The following LRP1B variants were observed in gnomAD, a reference collection of about 807,000 sequenced individuals.
LRP1B encodes low-density lipoprotein receptor-related protein 1B.
Under a neutral mutation model 556.6 loss-of-function variants are expected in LRP1B, and 217 were observed. The observed-to-expected ratio is 0.39, with a 90% CI of 0.35 to 0.44. The LOEUF (loss-of-function observed/expected upper bound fraction) is 0.44, where lower values mean the gene tolerates loss of function less well. Among genes scored for constraint, LRP1B ranks in the 20% least tolerant of loss-of-function variants. The pLI, the probability that LRP1B is intolerant of heterozygous loss-of-function variation, is 1.00. For synonymous variants in LRP1B, 2,047 were observed against 1,865.8 expected, an observed-to-expected ratio of 1.10 and a Z score of -2.50; for missense variants, 5,053 against 5,620.8, an observed-to-expected ratio of 0.90 and a Z score of 3.23.
intron 7 of LRP1B, among the ~76,000 whole-genome samples, chr2:141,133,104 C>T (rs1574108235): frequency 6.6e-6 from 1 of 151,938 alleles, no homozygotes; most frequent in Admixed American, 6.6e-5. Flanking sequence ...TTGAACCCGA[C>T]TGAGAATGTC....
intron 1 of LRP1B, among the ~76,000 whole-genome samples, chr2:142,126,736 C>G (rs539677284): frequency 1.3e-5 from 2 of 151,766 alleles, no homozygotes; most frequent in East Asian, 3.9e-4. Flanking sequence ...TTGCACATTT[C>G]ACATTAAGAT....
chr2:141,322,659 A>G (rs1473866590), intron 3 of LRP1B, among the ~76,000 whole-genome samples: 2 of 152,054 alleles, frequency 1.3e-5, no homozygotes, highest in South Asian at 2.1e-4. Context: ...TTAGGGATAC[A>G]TAGGAAAAAG....
intron 32 of LRP1B, among the ~76,000 whole-genome samples, chr2:140,797,476 A>G (rs1338434761): frequency 6.6e-6 from 1 of 152,096 alleles, no homozygotes; most frequent in Non-Finnish European, 1.5e-5. Context: ...AGCTTGAAAT[A>G]TTTACTAGAA....
At chr2:141,069,712 G>A (rs183700791) in intron 7 of LRP1B, among the ~76,000 whole-genome samples, 99 of 152,158 alleles carry the variant, frequency 6.5e-4, no homozygotes, top group Non-Finnish European at 6.0e-4. Context: ...TGACTGTGAG[G>A]CATCCCTCAT....
intron 32 of LRP1B, among the ~76,000 whole-genome samples, chr2:140,791,429 TA>T (rs1296756090): frequency 1.3e-5 from 2 of 151,836 alleles, no homozygotes; most frequent in African/African-American, 4.8e-5. Flanking sequence ...ACCCTGTCTC[TA>T]AAAAAATTAA....
Position 140,534,140 on chromosome 2 carries a change from T to C in LRP1B, c.7643A>G (p.Glu2548Gly). The change falls in exon 47 of 91, where the codon GAA becomes GGA. Residue 2548 changes from glutamate to glycine, a missense_variant and splice_region_variant. Coordinates refer to ENST00000389484, the MANE Select transcript of LRP1B (RefSeq NM_018557.3). Reference sequence around the variant, plus strand: ...GAAGCCTCTTCGACAGCTTCTGTTTTCTTATAAATAAAAGTAGAAACACAC... The same window carrying C: ...GAAGCCTCTTCGACAGCTTCTGTTTCCTTATAAATAAAAGTAGAAACACAC... The part of the protein sequence containing the change: ...DKSDEKLLYC[E>G]NRSCRRGFKP... 1.9e-6 allele frequency: 3 copies of C among 1,609,548 alleles called. No individual in the cohort carries two copies. The highest frequency in any genetic ancestry group is 2.5e-6 in the Non-Finnish European group (3 of 1,178,102).
chr2:141,835,162 G>C (rs1697235623), intron 1 of LRP1B, among the ~76,000 whole-genome samples: 1 of 151,966 alleles, frequency 6.6e-6, no homozygotes, highest in Non-Finnish European at 1.5e-5. Context: ...ATTAACTTTG[G>C]AATAACATTT....
intron 2 of LRP1B, among the ~76,000 whole-genome samples, chr2:141,804,010 T>C (rs1324188697): frequency 6.6e-6 from 1 of 152,124 alleles, no homozygotes; most frequent in Admixed American, 6.6e-5. Flanking sequence ...TCATTTTTCA[T>C]AGATGCTTCT....
chr2:141,137,634 T>TA (rs1701523248), intron 7 of LRP1B, among the ~76,000 whole-genome samples: 1 of 151,922 alleles, frequency 6.6e-6, no homozygotes, highest in Non-Finnish European at 1.5e-5. Context: ...AATATTGCAA[T>TA]AAAGCTGAGG....
chr2:141,188,290 G>C, intron 7 of LRP1B, 131 bp downstream of exon 7: 3 of 852,412 alleles, frequency 3.5e-6, no homozygotes, highest in South Asian at 1.7e-5. Context: ...CTGCGACACA[G>C]TTGTTAAAAT....
At chr2:141,520,446 A>G (rs1240122150) in intron 2 of LRP1B, among the ~76,000 whole-genome samples, 2 of 152,122 alleles carry the variant, frequency 1.3e-5, no homozygotes, top group African/African-American at 4.8e-5. Flanking sequence ...ATGGGGGGAA[A>G]GGATAATATT....
At chr2:141,286,241 TA>T (rs1339128816) in intron 3 of LRP1B, among the ~76,000 whole-genome samples, 1 of 152,140 alleles carries the variant, frequency 6.6e-6, no homozygotes, top group African/African-American at 2.4e-5. Flanking sequence ...AAACTCTTAA[TA>T]GAGTTAAGTA....
chr2:141,583,886 T>G (rs140361133), intron 2 of LRP1B, among the ~76,000 whole-genome samples: 221 of 150,086 alleles, frequency 1.5e-3, no homozygotes, highest in African/African-American at 5.2e-3. Flanking sequence ...ACTACAGCCA[T>G]GCACCACCAT....
intron 83 of LRP1B, among the ~76,000 whole-genome samples, chr2:140,301,029 ATTAT>A (rs1194266262): frequency 1.3e-5 from 2 of 152,066 alleles, no homozygotes; most frequent in Admixed American, 6.6e-5. Flanking sequence ...TTTTATCTCT[ATTAT>A]TTATTTAAGA....
intron 43 of LRP1B, among the ~76,000 whole-genome samples, chr2:140,581,434 A>G (rs1681758581): frequency 6.6e-6 from 1 of 151,806 alleles, no homozygotes; most frequent in Non-Finnish European, 1.5e-5. Flanking sequence ...GCTTCCCGGG[A>G]TCGCATACCT....
intron 1 of LRP1B, among the ~76,000 whole-genome samples, chr2:142,090,322 C>T (rs576653577): frequency 5.0e-4 from 76 of 152,152 alleles, no homozygotes; most frequent in African/African-American, 1.7e-3. Flanking sequence ...TACTCTTCAC[C>T]TATGTTATAT....
chr2:141,932,363 T>A (rs1700532550), intron 1 of LRP1B, among the ~76,000 whole-genome samples: 1 of 152,102 alleles, frequency 6.6e-6, no homozygotes, highest in African/African-American at 2.4e-5. Flanking sequence ...TACTTTGCAA[T>A]TGTAAAGCAC....
At chr2:141,807,142 T>C (rs1317943540) in intron 2 of LRP1B, among the ~76,000 whole-genome samples, 1 of 152,084 alleles carries the variant, frequency 6.6e-6, no homozygotes, top group East Asian at 1.9e-4. Context: ...TTTATGTAGA[T>C]TAGTGATGAC....
chr2:141,440,223 C>G (rs1261440863), intron 3 of LRP1B, among the ~76,000 whole-genome samples: 5 of 152,196 alleles, frequency 3.3e-5, no homozygotes, highest in African/African-American at 1.2e-4. Context: ...GGATTTGCGC[C>G]CAGCCCGGCC....
Sources: gnomAD v4.1 joint callset for allele counts (sites outside exome capture counted in the v4.1 genomes callset) on GRCh38, gnomAD v4.1.1 for gene constraint, MANE v1.5 for transcripts, NCBI Gene and HGNC (gene_info 2026-07-23, HGNC 2026-07-21) for gene names.